Variants in BCKDHB observed in about 807,000 individuals in gnomAD.
BCKDHB encodes the protein 2-oxoisovalerate dehydrogenase subunit beta, mitochondrial.
In BCKDHB, 41 loss-of-function variants were observed where a neutral mutation model predicts 48.5. That is an observed-to-expected ratio of 0.85 (90% confidence interval 0.66 to 1.10). The LOEUF (loss-of-function observed/expected upper bound fraction) is 1.10, where lower values mean the gene tolerates loss of function less well. Ranked by LOEUF, BCKDHB falls within the 50% of genes least tolerant of loss-of-function variation. BCKDHB has a pLI of 0.00. For synonymous variants in BCKDHB, 201 were observed against 174.8 expected (o/e 1.15, Z -1.18); for missense variants, 496 against 494.2 (o/e 1.00, Z -0.03).
intron 1 of BCKDHB, among the ~76,000 whole-genome samples, chr6:80,116,046 A>G (rs182100379): frequency 6.6e-6 from 1 of 152,330 alleles, no homozygotes; most frequent in African/African-American, 2.4e-5. Context: ...TCATAGCTGT[A>G]TATTTTTATG....
intron 6 of BCKDHB, among the ~76,000 whole-genome samples, chr6:80,179,004 C>A (rs1345789287): frequency 6.6e-6 from 1 of 152,086 alleles, no homozygotes. Flanking sequence ...TTAAAAGTTT[C>A]CCACATAATT....
At chr6:80,275,337 C>T (rs895253144) in intron 9 of BCKDHB, among the ~76,000 whole-genome samples, 5 of 151,992 alleles carry the variant, frequency 3.3e-5, no homozygotes, top group Non-Finnish European at 5.9e-5. Context: ...CTGCCTTCCA[C>T]GAGGAAGATA....
intron 1 of BCKDHB, among the ~76,000 whole-genome samples, chr6:80,107,767 C>T (rs914451229): frequency 6.6e-6 from 1 of 151,730 alleles, no homozygotes; most frequent in African/African-American, 2.4e-5. Flanking sequence ...GAGGAGGAAG[C>T]CATAGGAAGG....
chr6:80,123,855 A>G (rs1275685738), intron 1 of BCKDHB, among the ~76,000 whole-genome samples: 2 of 152,074 alleles, frequency 1.3e-5, no homozygotes, highest in Non-Finnish European at 2.9e-5. Flanking sequence ...TCCTGGATTC[A>G]TTGATTTTTT....
In BCKDHB at chr6:80,171,381, A is replaced by G. The variant is rs775923300; in HGVS notation, c.733A>G (p.Arg245Gly). Residue 245 changes from arginine (R) to glycine (G), a missense_variant, in exon 6 of 10, where the codon AGG becomes GGG. Arg to Gly is a moderately radical substitution (Grantham distance 125). Transcript: ENST00000320393. ...CIFFEPKILY[R>G]AAAEEVPIEP... Reference sequence around the variant, plus strand: ...ATTTTTTGAACCTAAAATACTTTACAGGGCAGCAGGTAAAGATTTTCTTTA... The same window carrying G: ...ATTTTTTGAACCTAAAATACTTTACGGGGCAGCAGGTAAAGATTTTCTTTA... The G allele has an allele frequency of 6.3e-7, 1 of 1,582,138 alleles. No homozygotes were observed. The highest frequency in any genetic ancestry group is 8.6e-7 in the Non-Finnish European group (1 of 1,156,304).
chr6:80,302,737 T>C (rs1436673657), intron 9 of BCKDHB, among the ~76,000 whole-genome samples: 4 of 152,216 alleles, frequency 2.6e-5, no homozygotes, highest in Non-Finnish European at 5.9e-5. Context: ...TTTGTTTAGC[T>C]TTAAACCATA....
chr6:80,259,825 A>C (rs1777218112), intron 8 of BCKDHB, among the ~76,000 whole-genome samples: 3 of 152,158 alleles, frequency 2.0e-5, no homozygotes, highest in Non-Finnish European at 1.5e-5. Context: ...TTTATTTTTG[A>C]ATGTAGTTAA....
intron 8 of BCKDHB, among the ~76,000 whole-genome samples, chr6:80,250,062 G>C (rs1449068091): frequency 6.6e-6 from 1 of 152,160 alleles, no homozygotes; most frequent in African/African-American, 2.4e-5. Flanking sequence ...ACACAGTGGT[G>C]TAGAGTGTGG....
intron 3 of BCKDHB, among the ~76,000 whole-genome samples, chr6:80,149,303 TA>T (rs1440776767): frequency 1.3e-5 from 2 of 152,108 alleles, no homozygotes; most frequent in African/African-American, 4.8e-5. Flanking sequence ...TGGCAATCAT[TA>T]AAAAGTCAGG....
At chr6:80,371,713 A>T in the BCKDHB span, among the ~76,000 whole-genome samples, 1 of 152,062 alleles carries the variant, frequency 6.6e-6, no homozygotes, top group Non-Finnish European at 1.5e-5. Flanking sequence ...CTTGTCAATT[A>T]TCCCAGCACC....
intron 6 of BCKDHB, among the ~76,000 whole-genome samples, chr6:80,197,074 G>A (rs2127816158): frequency 6.6e-6 from 1 of 152,236 alleles, no homozygotes; most frequent in East Asian, 1.9e-4. Context: ...TGTGAAAATA[G>A]GAATCTGTAA....
chr6:80,429,030 T>C, the BCKDHB span, among the ~76,000 whole-genome samples: 1 of 152,226 alleles, frequency 6.6e-6, no homozygotes, highest in African/African-American at 2.4e-5. Flanking sequence ...AGTTAATCCA[T>C]CTTGAGATAA....
chr6:80,151,458 A>G (rs1771774681), intron 3 of BCKDHB, among the ~76,000 whole-genome samples: 1 of 150,928 alleles, frequency 6.6e-6, no homozygotes, highest in Non-Finnish European at 1.5e-5. Flanking sequence ...GCCAAACATT[A>G]ATCATTTGGG....
chr6:80,428,120 G>T, the BCKDHB span, among the ~76,000 whole-genome samples: 1 of 152,016 alleles, frequency 6.6e-6, no homozygotes, highest in East Asian at 1.9e-4. Flanking sequence ...AGAACATGCG[G>T]TGTTTGGTTT....
Position 80,305,821 on chromosome 6 carries a change from A to G in BCKDHB, c.1038+32600A>G, listed in dbSNP as rs189417100. On this transcript the variant is annotated intron_variant, in intron 9 of 9. Transcript: ENST00000320393. ...TTGATTTAACTTGACTTGTCCTCCT[A>G]GGATGTTCCTCCTATCTTACTGAAC... 2.4e-3 allele frequency among the ~76,000 whole-genome samples: 370 copies of G among 152,232 alleles called. 2 individuals are homozygous for G. The highest frequency in any genetic ancestry group is 3.3e-3 in the Non-Finnish European group (224 of 67,978).
At chr6:80,356,964 CA>C in the BCKDHB span, 164 of 95,086 alleles carry the variant, frequency 1.7e-3, no homozygotes, top group African/African-American at 7.7e-3. Flanking sequence ...CCCCCCCCCA[CA>C]CACACGATTT....
chr6:80,457,433 C>T, the BCKDHB span, among the ~76,000 whole-genome samples: 1 of 152,178 alleles, frequency 6.6e-6, no homozygotes, highest in African/African-American at 2.4e-5. Flanking sequence ...TCTGCAAATC[C>T]TGACCCTGCT....
chr6:80,167,497 C>T (rs1309489463), intron 3 of BCKDHB, among the ~76,000 whole-genome samples, 181 bp from the exon 4 acceptor site: 4 of 152,044 alleles, frequency 2.6e-5, no homozygotes, highest in African/African-American at 9.7e-5. Context: ...TTGCCTTGGC[C>T]TCCCAAACTG....
At chr6:80,465,931 C>T in the BCKDHB span, 1 of 152,114 alleles carries the variant, frequency 6.6e-6, no homozygotes, top group Non-Finnish European at 1.5e-5. Flanking sequence ...GTGATGTGAC[C>T]TCACATTACA....
Sources: allele counts gnomAD v4.1 joint callset (sites outside exome capture counted in the v4.1 genomes callset), GRCh38; gene constraint gnomAD v4.1.1; transcripts MANE v1.5; gene names NCBI Gene and HGNC (gene_info 2026-07-23, HGNC 2026-07-21).